The following NELL2 variants were observed in gnomAD, a reference collection of about 807,000 sequenced individuals.
NELL2 encodes the protein neural EGFL like 2, also known as protein kinase C-binding protein NELL2.
In NELL2, 41 loss-of-function variants were observed where a neutral mutation model predicts 109.6. That is an observed-to-expected ratio of 0.37 (90% confidence interval 0.29 to 0.49). The LOEUF (loss-of-function observed/expected upper bound fraction) is 0.49, where lower values mean the gene tolerates loss of function less well. NELL2 is among the 20% of genes least tolerant of loss of function. The probability of loss-of-function intolerance (pLI) is 0.98; values close to 1 mark genes in which losing one functional copy is unlikely to be tolerated. For synonymous variants in NELL2, 355 were observed against 344.7 expected (o/e 1.03, Z -0.33); for missense variants, 900 against 1,008.3 (o/e 0.89, Z 1.45).
At chr12:44,735,073 A>T (rs948619830) in intron 9 of NELL2, among the ~76,000 whole-genome samples, 2 of 151,860 alleles carry the variant, frequency 1.3e-5, no homozygotes, top group South Asian at 2.1e-4. Flanking sequence ...TCCTATTTAG[A>T]CTTTTTTGTC....
chr12:44,911,057 C>T (rs2136892281), intron 1 of NELL2, among the ~76,000 whole-genome samples: 1 of 152,012 alleles, frequency 6.6e-6, no homozygotes, highest in Admixed American at 6.6e-5. Flanking sequence ...ATGCTCACTA[C>T]CTAAGTGACA....
At chr12:44,645,772 T>C (rs1018676406) in intron 13 of NELL2, among the ~76,000 whole-genome samples, 1 of 152,158 alleles carries the variant, frequency 6.6e-6, no homozygotes, top group Non-Finnish European at 1.5e-5. Context: ...AAAGAGAGTG[T>C]CAGGGAGGGT....
intron 3 of NELL2, among the ~76,000 whole-genome samples, chr12:44,791,095 ATGTATATATATATG>A (rs1566403756): frequency 4.4e-4 from 6 of 13,786 alleles, no homozygotes; most frequent in African/African-American, 5.6e-4. Context: ...ATATATATAT[ATGTATATATATATG>A]TATATATATA....
intron 2 of NELL2, among the ~76,000 whole-genome samples, chr12:44,830,358 G>A (rs1426766734): frequency 2.6e-5 from 4 of 152,112 alleles, no homozygotes; most frequent in Non-Finnish European, 5.9e-5. Context: ...TCAATTTGGG[G>A]AGTTTGTTCT....
intron 13 of NELL2, among the ~76,000 whole-genome samples, chr12:44,647,434 G>A (rs1399258770): frequency 2.0e-5 from 3 of 152,130 alleles, no homozygotes; most frequent in East Asian, 3.9e-4. Flanking sequence ...TATGCAACAG[G>A]GATATCTGCT....
At chr12:44,680,183 G>A (rs77779104) in intron 12 of NELL2, among the ~76,000 whole-genome samples, 8,993 of 152,126 alleles carry the variant, frequency 0.059, 884 homozygotes, top group African/African-American at 0.2. Flanking sequence ...CGATTAACCT[G>A]AACATTACAT....
intron 13 of NELL2, among the ~76,000 whole-genome samples, chr12:44,616,723 T>C (rs988211888): frequency 2.0e-5 from 3 of 152,154 alleles, no homozygotes; most frequent in African/African-American, 7.2e-5. Context: ...CCGATGTCCA[T>C]CCATAAGCAT....
At chr12:44,641,897 G>A (rs1055129449) in intron 13 of NELL2, among the ~76,000 whole-genome samples, 2 of 151,872 alleles carry the variant, frequency 1.3e-5, no homozygotes, top group African/African-American at 4.8e-5. Context: ...GGGTTTCACA[G>A]TATTGCCCAG....
rs201088047 is a variant in NELL2, at chr12:44,798,068, A to AATG, written c.335+17915_335+17917dup. ...AATAAAAGCATTCCATCCTAGATGG[A>AATG]ATGATGGAATAAAAGCATTCCATCC... On this transcript the variant is annotated intron_variant, in intron 3 of 19. Transcript: ENST00000429094. Among the ~76,000 whole-genome samples the AATG allele has an allele frequency of 2.5e-3, 319 of 128,408 alleles. 15 individuals are homozygous for AATG. The highest frequency in any genetic ancestry group is 8.2e-3 in the African/African-American group (297 of 36,332). The allele number at this position is 128,408 out of a possible 152,430, so 84.2% of individuals were successfully genotyped here.
rs558624552 is a variant in NELL2 at position 44,830,631 on chromosome 12, C to A, written c.185-14495G>T. 1.2e-4 allele frequency among the ~76,000 whole-genome samples: 19 copies of A among 152,260 alleles called. No homozygotes were observed. In the South Asian group the frequency reaches 2.9e-3, roughly 23 times the overall value. ...TCCACAGGCCCCAAATCTGCCATCTCCCGGTTTCTGAGCCTGTTATGATCA... is the reference window on the plus strand; with the variant it reads ...TCCACAGGCCCCAAATCTGCCATCTACCGGTTTCTGAGCCTGTTATGATCA... On this transcript the variant is annotated intron_variant, in intron 2 of 19. Coordinates refer to ENST00000429094, the MANE Select transcript of NELL2 (RefSeq NM_001145108.2).
chr12:44,710,892 T>C (rs1042700935), intron 11 of NELL2, among the ~76,000 whole-genome samples: 1 of 152,040 alleles, frequency 6.6e-6, no homozygotes, highest in African/African-American at 2.4e-5. Context: ...AGGTAAGTTA[T>C]AAAAAGAAGC....
chr12:44,806,196 T>TA (rs1037526165), intron 3 of NELL2, among the ~76,000 whole-genome samples: 1 of 151,792 alleles, frequency 6.6e-6, no homozygotes, highest in Non-Finnish European at 1.5e-5. Flanking sequence ...AGCTCATTTA[T>TA]AAAAAATATG....
chr12:44,644,604 G>GTATATATATATA lies in NELL2; in HGVS notation c.1444+20879_1444+20880insTATATATATATA, dbSNP rs1555190872. 2.6e-3 allele frequency among the ~76,000 whole-genome samples: 207 copies of GTATATATATATA among 81,082 alleles called. 3 individuals are homozygous for GTATATATATATA. Among genetic ancestry groups the GTATATATATATA allele is most frequent in the South Asian group, 4.9e-3 (12 of 2,474 alleles). 53.2% of individuals were successfully genotyped at this position (81,082 alleles called of 152,430 possible). A position where few individuals can be genotyped will look rare whatever the true frequency, so the allele number is the denominator to read the frequency against. On this transcript the variant is annotated intron_variant, in intron 13 of 19. Transcript: ENST00000429094. ...AGTATATATATATATATATATATATGTATGTATATATATATATATATACAT... is the reference window on the plus strand; with the variant it reads ...AGTATATATATATATATATATATATGTATATATATATATATGTATATATATATATATATACAT...
intron 3 of NELL2, among the ~76,000 whole-genome samples, chr12:44,812,325 T>C (rs1943206666): frequency 2.6e-5 from 4 of 152,152 alleles, no homozygotes; most frequent in Admixed American, 2.6e-4. Flanking sequence ...AACATCACTG[T>C]GGATCTGCTT....
intron 11 of NELL2, among the ~76,000 whole-genome samples, chr12:44,706,912 G>A (rs1049639830): frequency 2.0e-5 from 3 of 151,876 alleles, no homozygotes; most frequent in Admixed American, 6.6e-5. Context: ...TAGAACTTTT[G>A]GTAAAATATA....
intron 2 of NELL2, among the ~76,000 whole-genome samples, chr12:44,867,981 G>T (rs1592681469): frequency 2.0e-5 from 3 of 151,798 alleles, no homozygotes; most frequent in Admixed American, 2.0e-4. Context: ...TTAGCCGGGT[G>T]TAGTGACGGG....
chr12:44,675,217 C>T (rs1329451078), intron 12 of NELL2, among the ~76,000 whole-genome samples: 1 of 152,118 alleles, frequency 6.6e-6, no homozygotes, highest in Non-Finnish European at 1.5e-5. Flanking sequence ...AATAAAGAAG[C>T]CTGAACTCTG....
intron 9 of NELL2, among the ~76,000 whole-genome samples, chr12:44,732,592 A>G (rs1332273572): frequency 6.6e-6 from 1 of 152,080 alleles, no homozygotes; most frequent in East Asian, 1.9e-4. Context: ...TCCTGAAGCT[A>G]AGAAACTCCT....
At chr12:44,554,688 C>T (rs1016354723) in intron 15 of NELL2, among the ~76,000 whole-genome samples, 10 of 152,156 alleles carry the variant, frequency 6.6e-5, no homozygotes, top group Admixed American at 6.6e-4. Flanking sequence ...ATATTCAATA[C>T]AATGGTCAGA....
Sources: gnomAD v4.1 joint callset for allele counts (sites outside exome capture counted in the v4.1 genomes callset) on GRCh38, gnomAD v4.1.1 for gene constraint, MANE v1.5 for transcripts, NCBI Gene and HGNC (gene_info 2026-07-23, HGNC 2026-07-21) for gene names.